Variants in NTM observed in about 807,000 individuals in gnomAD.
NTM encodes neurotrimin, also known as IgLON family member 2.
In NTM, 13 loss-of-function variants were observed where a neutral mutation model predicts 42.1. The ratio of observed to expected loss-of-function variants is 0.31; its 90% CI spans 0.20 to 0.49. NTM has a LOEUF of 0.49. Among genes scored for constraint, NTM ranks in the 20% least tolerant of loss-of-function variants. NTM has a pLI of 0.99. For missense variants in NTM, 373 were observed against 452.8 expected (o/e 0.82, Z 1.60); for synonymous variants, 187 against 179.2 (o/e 1.04, Z -0.35).
At chr11:132,167,301 A>G (rs1389470049) in intron 3 of NTM, among the ~76,000 whole-genome samples, 2 of 152,090 alleles carry the variant, frequency 1.3e-5, no homozygotes, top group East Asian at 3.9e-4. Context: ...CAACTCCTCA[A>G]GTGATTCTCC....
chr11:131,739,712 G>T (rs1285215534), intron 1 of NTM, among the ~76,000 whole-genome samples: 1 of 152,192 alleles, frequency 6.6e-6, no homozygotes, highest in Admixed American at 6.5e-5. Flanking sequence ...GACTCTCCTA[G>T]GGAGGGCAGT....
At chr11:131,992,540 G>A (rs921828688) in intron 2 of NTM, among the ~76,000 whole-genome samples, 7 of 151,976 alleles carry the variant, frequency 4.6e-5, no homozygotes, top group Admixed American at 1.3e-4. Flanking sequence ...GACAGGAATC[G>A]CATCAGGGAC....
At chr11:131,502,203 T>C (rs576549397) in intron 1 of NTM, among the ~76,000 whole-genome samples, 2 of 152,088 alleles carry the variant, frequency 1.3e-5, no homozygotes, top group Non-Finnish European at 2.9e-5. Flanking sequence ...GTGTGGTCTT[T>C]AGGAGGTGAT....
At chr11:131,505,515 G>C (rs1019678394) in intron 1 of NTM, among the ~76,000 whole-genome samples, 1 of 152,138 alleles carries the variant, frequency 6.6e-6, no homozygotes, top group Admixed American at 6.5e-5. Flanking sequence ...GACATCCTGC[G>C]ATTATTTACC....
chr11:132,071,733 A>T (rs181749156), intron 2 of NTM, among the ~76,000 whole-genome samples: 23 of 152,248 alleles, frequency 1.5e-4, no homozygotes, highest in African/African-American at 5.5e-4. Flanking sequence ...TTTTTGTGTG[A>T]AAGAGAGAAA....
intron 1 of NTM, among the ~76,000 whole-genome samples, chr11:131,511,301 C>A (rs1199474345): frequency 6.6e-6 from 1 of 152,162 alleles, no homozygotes; most frequent in Non-Finnish European, 1.5e-5. Context: ...AGGCCATGAG[C>A]CCAGCAGGTA....
intron 2 of NTM, among the ~76,000 whole-genome samples, chr11:131,958,815 T>C (rs2061825023): frequency 6.6e-6 from 1 of 152,186 alleles, no homozygotes; most frequent in South Asian, 2.1e-4. Context: ...AATGTGTGAA[T>C]TCCATTAGAT....
chr11:131,688,974 CTTAG>C (rs902908214), intron 1 of NTM, among the ~76,000 whole-genome samples: 4 of 152,208 alleles, frequency 2.6e-5, no homozygotes, highest in Admixed American at 6.5e-5. Flanking sequence ...AGGACACACT[CTTAG>C]TTAGCTAGTT....
chr11:131,789,494 A>AAAGAAG lies in NTM; in HGVS notation c.83-122022_83-122017dup. On this transcript the variant is annotated intron_variant, in intron 1 of 8. Transcript: ENST00000683400. The stretch of plus-strand genomic sequence containing the variant: ...GAAGAAGAAGAAGAAGAAGAAGAGG[A>AAAGAAG]AAGAAGAAGAAGAAGAAGAAGAAGA... Among the ~76,000 whole-genome samples, 2 of 3,864 alleles carry AAAGAAG rather than the reference A, an allele frequency of 5.2e-4. 1 individual carries two copies. The highest frequency in any genetic ancestry group is 2.1e-3 in the African/African-American group (2 of 938). 2.5% of individuals were successfully genotyped at this position (3,864 alleles called of 152,430 possible).
At position 131,824,528 on chromosome 11, in the gene NTM, A is replaced by G. The variant is rs116929012; in HGVS notation, c.83-87036A>G. Among the ~76,000 whole-genome samples, 248 of 152,350 alleles carry G rather than the reference A, an allele frequency of 1.6e-3. 1 individual carries two copies. The highest frequency in any genetic ancestry group is 0.01 in the Middle Eastern group (3 of 294). On this transcript the variant is annotated intron_variant, in intron 1 of 8. Coordinates refer to ENST00000683400, the MANE Select transcript of NTM (RefSeq NM_001352005.2). ...GCTGAGTAGAAGAGTGAGCAATTAA[A>G]TTCTGCTTGGACTACATTTAGAGTA...
chr11:131,481,536 T>C (rs1005418470), intron 1 of NTM, among the ~76,000 whole-genome samples: 19 of 152,352 alleles, frequency 1.2e-4, no homozygotes, highest in African/African-American at 4.6e-4. Context: ...ATGGCAAACA[T>C]GAGCCGTGCT....
At chr11:131,371,015 A>G (rs908207194) in intron 1 of NTM, 127 bp downstream of exon 1, 22 of 1,497,342 alleles carry the variant, frequency 1.5e-5, no homozygotes, top group Non-Finnish European at 1.2e-5. Context: ...GCGTTTAGAC[A>G]GCATGGCTGG....
chr11:131,497,959 G>C (rs150835224), intron 1 of NTM, among the ~76,000 whole-genome samples: 248 of 152,260 alleles, frequency 1.6e-3, no homozygotes, highest in African/African-American at 5.5e-3. Flanking sequence ...AATTAGCTTA[G>C]ACTGTGTGGT....
At chr11:131,462,874 ATG>A (rs1951533020) in intron 1 of NTM, among the ~76,000 whole-genome samples, 3 of 152,100 alleles carry the variant, frequency 2.0e-5, no homozygotes, top group Admixed American at 6.5e-5. Context: ...GTGGTCCACC[ATG>A]GCTTGTGCCT....
chr11:131,819,582 C>T (rs1458017148), intron 1 of NTM, among the ~76,000 whole-genome samples: 1 of 152,198 alleles, frequency 6.6e-6, no homozygotes, highest in Non-Finnish European at 1.5e-5. Context: ...AGGCTGTTGG[C>T]ACACCAGAGG....
intron 1 of NTM, among the ~76,000 whole-genome samples, chr11:131,622,911 C>A (rs1377767427): frequency 6.6e-6 from 1 of 152,146 alleles, no homozygotes; most frequent in Non-Finnish European, 1.5e-5. Context: ...GGTTGCCTTC[C>A]GTCCAGGTGC....
intron 1 of NTM, among the ~76,000 whole-genome samples, chr11:131,465,249 C>T (rs1951775518): frequency 6.6e-6 from 1 of 152,208 alleles, no homozygotes; most frequent in Non-Finnish European, 1.5e-5. Context: ...AAGCTTTGCA[C>T]AGATGAGCCG....
At chr11:132,122,291 C>T (rs947926598) in intron 2 of NTM, among the ~76,000 whole-genome samples, 1 of 152,144 alleles carries the variant, frequency 6.6e-6, no homozygotes, top group Non-Finnish European at 1.5e-5. Context: ...TGGGGTGTGC[C>T]CCCTGGATAG....
At chr11:132,023,405 C>T (rs760205772) in intron 2 of NTM, among the ~76,000 whole-genome samples, 5 of 152,184 alleles carry the variant, frequency 3.3e-5, no homozygotes, top group Non-Finnish European at 4.4e-5. Flanking sequence ...TGAAGCTGAA[C>T]AGCTGTGAAA....
Sources: allele counts gnomAD v4.1 joint callset (sites outside exome capture counted in the v4.1 genomes callset), GRCh38; gene constraint gnomAD v4.1.1; transcripts MANE v1.5; gene names NCBI Gene and HGNC (gene_info 2026-07-23, HGNC 2026-07-21).